CLYBL: variants seen among roughly 807,000 people sequenced by gnomAD.
CLYBL encodes citramalyl-CoA lyase, also known as citramalyl-CoA lyase, mitochondrial.
CLYBL carries 31 observed loss-of-function variants against 38.9 expected under a neutral mutation model. The ratio of observed to expected loss-of-function variants is 0.80; its 90% confidence interval spans 0.60 to 1.08. The LOEUF is 1.08. CLYBL is among the 50% of genes least tolerant of loss of function. The probability of loss-of-function intolerance (pLI) is 0.00; values close to 1 mark genes in which losing one functional copy is unlikely to be tolerated. For missense variants in CLYBL, 434 were observed against 411.6 expected (o/e 1.05, Z -0.47); for synonymous variants, 171 against 158.6 (o/e 1.08, Z -0.59).
intron 1 of CLYBL, among the ~76,000 whole-genome samples, chr13:99,700,375 C>T (rs1322440345): frequency 3.3e-5 from 5 of 152,140 alleles, no homozygotes; most frequent in African/African-American, 7.2e-5. Context: ...AACCTGGAGG[C>T]GGAGGTTGCG....
intron 2 of CLYBL, among the ~76,000 whole-genome samples, chr13:99,810,796 T>A (rs1469623139): frequency 6.6e-6 from 1 of 152,022 alleles, no homozygotes; most frequent in Non-Finnish European, 1.5e-5. Flanking sequence ...ACAGAGGACA[T>A]CAGAGACTGA....
chr13:99,816,659 T>G (rs2050454378), intron 2 of CLYBL, among the ~76,000 whole-genome samples: 1 of 152,212 alleles, frequency 6.6e-6, no homozygotes, highest in Non-Finnish European at 1.5e-5. Flanking sequence ...CCTTGCCCCT[T>G]GGGCCCTGGG....
chr13:99,772,707 AAAT>A, intron 1 of CLYBL, 114 bp from the exon 2 acceptor site: 1 of 915,270 alleles, frequency 1.1e-6, no homozygotes, highest in South Asian at 1.8e-5. Flanking sequence ...AAAAAAATAA[AAAT>A]AAAAAAAGAT....
At chr13:99,631,866 G>T (rs969905025) in intron 1 of CLYBL, among the ~76,000 whole-genome samples, 2 of 152,178 alleles carry the variant, frequency 1.3e-5, no homozygotes, top group South Asian at 4.1e-4. Flanking sequence ...CTCCCAAAGT[G>T]CTGGGATTAC....
At chr13:99,670,420 C>T (rs758244900) in intron 1 of CLYBL, among the ~76,000 whole-genome samples, 2 of 152,078 alleles carry the variant, frequency 1.3e-5, no homozygotes, top group Admixed American at 1.3e-4. Flanking sequence ...AGTTATGTTA[C>T]GTGGAATTTC....
chr13:99,818,896 A>G (rs891095394), intron 2 of CLYBL, among the ~76,000 whole-genome samples: 2 of 152,192 alleles, frequency 1.3e-5, no homozygotes, highest in Admixed American at 6.5e-5. Context: ...TTAATATTCC[A>G]TCAAGCTGAT....
In CLYBL at chr13:99,881,642, G is replaced by C. The variant is rs112761444; in HGVS notation, c.928-9676G>C. Reference sequence around the variant, plus strand: ...GAGTCTCACTATGTTGCCCAAGCTGGTCTCGAACTCCTGGGCTTAGGCGAT... The same window carrying C: ...GAGTCTCACTATGTTGCCCAAGCTGCTCTCGAACTCCTGGGCTTAGGCGAT... On this transcript the variant is annotated intron_variant, in intron 7 of 8. Transcript: ENST00000339105. Among the ~76,000 whole-genome samples the C allele has an allele frequency of 1.1e-3, 161 of 151,358 alleles. 1 individual carries two copies. Among genetic ancestry groups the C allele is most frequent in the African/African-American group, 3.3e-3 (136 of 41,152 alleles).
intron 7 of CLYBL, among the ~76,000 whole-genome samples, chr13:99,884,607 G>A (rs113188982): frequency 2.0e-5 from 3 of 152,264 alleles, no homozygotes; most frequent in African/African-American, 7.2e-5. Flanking sequence ...TGTCCTTCCC[G>A]CCATTAGACT....
At chr13:99,611,895 C>A (rs1031354508) in intron 1 of CLYBL, among the ~76,000 whole-genome samples, 2 of 152,194 alleles carry the variant, frequency 1.3e-5, no homozygotes, top group Non-Finnish European at 2.9e-5. Flanking sequence ...TGGAGTTGTT[C>A]ATGCTGACTC....
At chr13:99,773,398 G>C (rs552035071) in intron 2 of CLYBL, among the ~76,000 whole-genome samples, 10 of 152,190 alleles carry the variant, frequency 6.6e-5, no homozygotes, top group Non-Finnish European at 1.3e-4. Flanking sequence ...CAGAACCCAG[G>C]AGATGAGCAG....
intron 2 of CLYBL, among the ~76,000 whole-genome samples, chr13:99,858,507 C>G (rs1360537664): frequency 1.3e-5 from 2 of 152,170 alleles, no homozygotes; most frequent in Non-Finnish European, 2.9e-5. Context: ...GAACATAGAA[C>G]CATGCTTAGC....
intron 2 of CLYBL, among the ~76,000 whole-genome samples, chr13:99,780,275 G>A (rs940480733): frequency 2.0e-5 from 3 of 152,054 alleles, no homozygotes. Context: ...CCTTAGGTTG[G>A]CATTTGCTCA....
intron 2 of CLYBL, among the ~76,000 whole-genome samples, chr13:99,783,704 CA>C (rs2049714694): frequency 6.6e-6 from 1 of 152,136 alleles, no homozygotes; most frequent in African/African-American, 2.4e-5. Context: ...CTCGGCCTCC[CA>C]AAGTGCTGGG....
Position 99,772,906 on chromosome 13 carries a change from C to G in CLYBL, c.145C>G (p.Leu49Val). Reference protein sequence around the residue: ...HHKYIPRRAVLYVPGNDEKKI... With the variant: ...HHKYIPRRAVVYVPGNDEKKI... ...CAAGTACATCCCCCGGAGGGCAGTGCTTTATGTACCTGGAAATGATGAAAA... is the reference window on the plus strand; with the variant it reads ...CAAGTACATCCCCCGGAGGGCAGTGGTTTATGTACCTGGAAATGATGAAAA... Residue 49 changes from leucine (L) to valine (V), a missense_variant, in exon 2 of 9, where the codon CTT becomes GTT. Transcript: ENST00000339105. 1.2e-6 allele frequency: 2 copies of G among 1,613,752 alleles called. No individual in the cohort carries two copies. The highest frequency in any genetic ancestry group is 1.7e-6 in the Non-Finnish European group (2 of 1,179,832).
rs557268786 is a variant in CLYBL, at chr13:99,866,303, C to T, written c.698C>T (p.Ala233Val). 3.2e-5 allele frequency: 51 copies of T among 1,614,010 alleles called. No homozygotes were observed. The East Asian group carries it at 4.5e-4, about 14-fold the overall frequency. Residue 233 changes from alanine to valine, a missense_variant, in exon 6 of 9, where the codon GCG (alanine) becomes GTG (valine). By Grantham distance (64) the Ala-to-Val change is moderately conservative. Transcript: ENST00000339105. ...LYARQKIVVI[A>V]KAFGLQAIDL... ...GCCCGGCAAAAGATTGTTGTCATAG[C>T]GAAAGCCTTTGGTCTCCAAGCCATA...
chr13:99,805,312 T>C (rs1039605920), intron 2 of CLYBL, among the ~76,000 whole-genome samples: 1 of 152,168 alleles, frequency 6.6e-6, no homozygotes, highest in Non-Finnish European at 1.5e-5. Context: ...GGTAGTTCTT[T>C]GTTTAATTTT....
intron 1 of CLYBL, among the ~76,000 whole-genome samples, chr13:99,608,859 T>C: frequency 2.2e-5 from 1 of 46,148 alleles, no homozygotes. Flanking sequence ...TTTTTTTTTT[T>C]TTTTTTTTTT....
In CLYBL at chr13:99,810,191, C is replaced by T. The variant is rs184985476; in HGVS notation, c.249+37181C>T. Among the ~76,000 whole-genome samples the T allele has an allele frequency of 7.9e-5, 12 of 152,368 alleles. No individual in the cohort carries two copies. The East Asian group carries it at 2.3e-3, about 29-fold the overall frequency. On this transcript the variant is annotated intron_variant, in intron 2 of 8. Transcript: ENST00000339105. ...ACAGAGGTGGGGAAAGTAAGTGTAG[C>T]TCCTCTCCTCTCCGGGCTTATGGCT... is the stretch of plus-strand genomic sequence containing the variant.
At chr13:99,740,250 T>C (rs2048731117) in intron 1 of CLYBL, among the ~76,000 whole-genome samples, 1 of 152,236 alleles carries the variant, frequency 6.6e-6, no homozygotes, top group Non-Finnish European at 1.5e-5. Context: ...TATGAAATCA[T>C]TTCCTCTGAC....
Sources: allele counts gnomAD v4.1 joint callset (sites outside exome capture counted in the v4.1 genomes callset), GRCh38; gene constraint gnomAD v4.1.1; transcripts MANE v1.5; gene names NCBI Gene and HGNC (gene_info 2026-07-23, HGNC 2026-07-21).